The following METTL15 variants were observed in gnomAD, a reference collection of about 807,000 sequenced individuals.
METTL15 encodes 12S rRNA N(4)-cytidine methyltransferase METTL15.
A neutral mutation model predicts 38.3 loss-of-function variants in METTL15; 34 were observed. The ratio of observed to expected loss-of-function variants is 0.89; its 90% CI spans 0.68 to 1.18. METTL15 has a LOEUF of 1.18. METTL15 is among the 50% of genes most tolerant of loss of function. The pLI, the probability that METTL15 is intolerant of heterozygous loss-of-function variation, is 0.00. For synonymous variants in METTL15, 162 were observed against 170.9 expected, an observed-to-expected ratio of 0.95 and a Z score of 0.41; for missense variants, 438 against 498.4, an observed-to-expected ratio of 0.88 and a Z score of 1.15.
chr11:28,227,189 T>C (rs1853515011), intron 4 of METTL15, among the ~76,000 whole-genome samples: 1 of 151,996 alleles, frequency 6.6e-6, no homozygotes, highest in Admixed American at 6.6e-5. Context: ...ACATGTATTA[T>C]ACCAACTACT....
intron 6 of METTL15, among the ~76,000 whole-genome samples, chr11:28,513,351 G>A (rs4923543): frequency 0.39 from 59,515 of 151,970 alleles, 12,499 homozygotes; most frequent in African/African-American, 0.54. Flanking sequence ...ACCACTTACC[G>A]GCTGCAACGT....
At chr11:28,391,994 C>G (rs757410213) in intron 5 of METTL15, among the ~76,000 whole-genome samples, 4 of 152,120 alleles carry the variant, frequency 2.6e-5, no homozygotes, top group African/African-American at 4.8e-5. Context: ...AGCTTCTGCA[C>G]AGCAAAAGAA....
chr11:28,131,503 T>TG (rs1751466660), intron 3 of METTL15, among the ~76,000 whole-genome samples: 2 of 80,792 alleles, frequency 2.5e-5, no homozygotes. Context: ...TTCCAAGCAT[T>TG]TTTTTTTTTT....
At chr11:28,210,762 TG>T (rs764815348) in intron 3 of METTL15, among the ~76,000 whole-genome samples, 45 of 152,128 alleles carry the variant, frequency 3.0e-4, no homozygotes, top group Non-Finnish European at 5.3e-4. Context: ...GTTAAAGAGC[TG>T]GGGGCACAAC....
intron 6 of METTL15, among the ~76,000 whole-genome samples, chr11:28,436,790 A>T (rs1201811656): frequency 1.3e-5 from 2 of 152,244 alleles, no homozygotes; most frequent in Non-Finnish European, 2.9e-5. Context: ...GTGATAGTTA[A>T]TATTGAGTGT....
At chr11:28,286,055 T>C (rs2133980874) in intron 4 of METTL15, among the ~76,000 whole-genome samples, 1 of 152,236 alleles carries the variant, frequency 6.6e-6, no homozygotes, top group African/African-American at 2.4e-5. Flanking sequence ...TATATATATA[T>C]GATATCTTAT....
intron 6 of METTL15, among the ~76,000 whole-genome samples, chr11:28,318,742 T>C (rs981051279): frequency 3.9e-5 from 6 of 152,112 alleles, no homozygotes; most frequent in Non-Finnish European, 7.4e-5. Flanking sequence ...ATTTTTCAAA[T>C]ACAAAAACAA....
At chr11:28,219,164 A>G (rs1485497214) in intron 4 of METTL15, among the ~76,000 whole-genome samples, 1 of 152,188 alleles carries the variant, frequency 6.6e-6, no homozygotes, top group Non-Finnish European at 1.5e-5. Flanking sequence ...CTCTGGTAGA[A>G]TTAGGCTGTG....
intron 5 of METTL15, among the ~76,000 whole-genome samples, chr11:28,416,704 G>A (rs1002988272): frequency 6.6e-6 from 1 of 152,148 alleles, no homozygotes. Flanking sequence ...TCTGATACCA[G>A]AGACTGGACT....
At chr11:28,436,173 C>T (rs888207480) in intron 6 of METTL15, among the ~76,000 whole-genome samples, 5 of 152,090 alleles carry the variant, frequency 3.3e-5, no homozygotes, top group African/African-American at 4.8e-5. Flanking sequence ...GTGGTTTCAC[C>T]GTTATATGAA....
At chr11:28,408,116 T>C (rs1850690049) in intron 5 of METTL15, among the ~76,000 whole-genome samples, 2 of 151,794 alleles carry the variant, frequency 1.3e-5, no homozygotes, top group South Asian at 4.2e-4. Context: ...TGAGAACACA[T>C]GGACACAGGT....
At position 28,110,340 on chromosome 11, in the gene METTL15, T is replaced by A. The variant is rs1454523881; in HGVS notation, c.-79T>A. ...GACGCGCGGCGCATTCAGGTTCTCC[T>A]GGACCGTAGTGGTAGTCGCTGGCCC... On this transcript the variant is annotated 5_prime_UTR_variant, in exon 2 of 7. Coordinates refer to ENST00000407364, the MANE Select transcript of METTL15 (RefSeq NM_001113528.2). 1 of 152,224 alleles carries A rather than the reference T, an allele frequency of 6.6e-6. No individual in the cohort carries two copies. The highest frequency in any genetic ancestry group is 2.4e-5 in the African/African-American group (1 of 41,446). The allele number at this position is 152,224 out of a possible 1,614,324, so 9.4% of individuals were successfully genotyped here.
chr11:28,366,193 A>G (rs1850183778), intron 5 of METTL15, among the ~76,000 whole-genome samples: 1 of 147,298 alleles, frequency 6.8e-6, no homozygotes, highest in South Asian at 2.2e-4. Context: ...GTCCTTTTGT[A>G]AAAAAAAAAA....
At chr11:28,520,227 A>T (rs1851753911) in intron 6 of METTL15, among the ~76,000 whole-genome samples, 1 of 152,040 alleles carries the variant, frequency 6.6e-6, no homozygotes, top group Non-Finnish European at 1.5e-5. Flanking sequence ...ATTCCCAGCT[A>T]CTCAGGAGTC....
intron 6 of METTL15, among the ~76,000 whole-genome samples, chr11:28,445,836 A>G (rs1024614496): frequency 2.6e-5 from 4 of 151,672 alleles, no homozygotes; most frequent in African/African-American, 9.7e-5. Flanking sequence ...TATTTTTTGT[A>G]GAGATGAGGT....
intron 2 of METTL15, among the ~76,000 whole-genome samples, chr11:28,110,810 AAG>A (rs1851686644): frequency 6.6e-6 from 1 of 152,218 alleles, no homozygotes; most frequent in African/African-American, 2.4e-5. Context: ...TCACAATTAA[AAG>A]AGTAATCTGG....
At chr11:28,464,864 A>G (rs1407456983) in intron 6 of METTL15, among the ~76,000 whole-genome samples, 1 of 152,218 alleles carries the variant, frequency 6.6e-6, no homozygotes, top group East Asian at 1.9e-4. Context: ...GATAAGTGCT[A>G]TATTTCCTGT....
chr11:28,115,867 CAT>C (rs1012369662), intron 3 of METTL15, among the ~76,000 whole-genome samples: 8 of 151,246 alleles, frequency 5.3e-5, no homozygotes, highest in African/African-American at 1.9e-4. Context: ...TACCCATACA[CAT>C]ATATATGTGT....
At chr11:28,384,795 C>T (rs1371096897) in intron 5 of METTL15, among the ~76,000 whole-genome samples, 3 of 152,082 alleles carry the variant, frequency 2.0e-5, no homozygotes, top group Non-Finnish European at 2.9e-5. Context: ...CCTAACCTTG[C>T]CAGCATCTGT....
Sources: allele counts gnomAD v4.1 joint callset (sites outside exome capture counted in the v4.1 genomes callset), GRCh38; gene constraint gnomAD v4.1.1; transcripts MANE v1.5; gene names NCBI Gene and HGNC (gene_info 2026-07-23, HGNC 2026-07-21).